Variants in TEF observed in about 807,000 individuals in gnomAD.
TEF encodes the protein TEF transcription factor, PAR bZIP family member, also known as thyrotroph embryonic factor.
Under a neutral mutation model 20.8 loss-of-function variants are expected in TEF, and 3 were observed. That is an observed-to-expected ratio of 0.14 (90% CI 0.07 to 0.37). The LOEUF is 0.37. Ranked by LOEUF, TEF falls within the 10% of genes least tolerant of loss-of-function variation. TEF has a pLI of 1.00. For missense variants in TEF, 296 were observed against 397.9 expected, an observed-to-expected ratio of 0.74 and a Z score of 2.18; for synonymous variants, 180 against 171.1, an observed-to-expected ratio of 1.05 and a Z score of -0.41.
intron 2 of TEF, among the ~76,000 whole-genome samples, chr22:41,391,526 G>T (rs551952597): frequency 3.3e-5 from 5 of 151,936 alleles, no homozygotes; most frequent in African/African-American, 1.2e-4. Context: ...GTATTGGTCA[G>T]GCTGGTCTCG....
intron 1 of TEF, among the ~76,000 whole-genome samples, chr22:41,368,881 C>G (rs919905413): frequency 2.0e-5 from 3 of 152,222 alleles, no homozygotes; most frequent in African/African-American, 4.8e-5. Context: ...CCCTCTGCAA[C>G]TCAGCCGGAG....
Position 41,387,267 on chromosome 22 carries a change from C to A in TEF, c.158-84C>A, listed in dbSNP as rs998486928. The A allele has an allele frequency of 1.2e-4, 181 of 1,456,968 alleles. No individual in the cohort carries two copies. In the South Asian group the frequency reaches 2.1e-3, roughly 17 times the overall value. 90.3% of individuals were successfully genotyped at this position (1,456,968 alleles called of 1,614,324 possible). ...GAATCGGGGCTCTGAGAAAGATGGGCCAGGCCTGTGAGGCTCACTGCCCAC... is the reference window on the plus strand; with the variant it reads ...GAATCGGGGCTCTGAGAAAGATGGGACAGGCCTGTGAGGCTCACTGCCCAC... On this transcript the variant is annotated intron_variant, in intron 1 of 3. Transcript: ENST00000266304.
chr22:41,378,245 T>C (rs1163825457), upstream of TEF, among the ~76,000 whole-genome samples: 1 of 147,236 alleles, frequency 6.8e-6, no homozygotes, highest in African/African-American at 2.5e-5. Context: ...CTCGGCTCAC[T>C]GCAACCTCCG....
chr22:41,371,738 C>T (rs1457808970), intron 1 of TEF, among the ~76,000 whole-genome samples: 4 of 152,188 alleles, frequency 2.6e-5, no homozygotes, highest in African/African-American at 7.2e-5. Context: ...CTGGATGGTA[C>T]AAGTTGGTGT....
At chr22:41,384,593 T>C (rs1175844788) in intron 1 of TEF, among the ~76,000 whole-genome samples, 1 of 152,178 alleles carries the variant, frequency 6.6e-6, no homozygotes, top group African/African-American at 2.4e-5. Context: ...TGAATCTGTT[T>C]GCAAATCCAA....
At chr22:41,380,905 G>T (rs928269112), upstream of TEF, among the ~76,000 whole-genome samples, 11 of 152,226 alleles carry the variant, frequency 7.2e-5, no homozygotes, top group African/African-American at 2.2e-4. Context: ...GAAAGGAAAA[G>T]AATTTCACAT....
At chr22:41,393,801 T>G (rs1224708484) in intron 2 of TEF, among the ~76,000 whole-genome samples, 1 of 151,532 alleles carries the variant, frequency 6.6e-6, no homozygotes, top group Non-Finnish European at 1.5e-5. Flanking sequence ...AAAATTAATG[T>G]TTTGCTTAAC....
chr22:41,382,068 G>A lies in TEF; in HGVS notation c.24G>A (p.Lys8=). MSDAGGG[K]KPPVDPQAGP... is the part of the protein sequence containing the mutation. ...CGATGTCCGACGCGGGCGGCGGAAA[G>A]AAGCCGCCTGTGGACCCGCAGGCAG... Residue 8 remains lysine, a synonymous_variant, in exon 1 of 4, where the codon AAG becomes AAA. Coordinates refer to ENST00000266304, the MANE Select transcript of TEF (RefSeq NM_003216.4). The A allele has an allele frequency of 8.1e-7, 1 of 1,231,564 alleles. No individual in the cohort carries two copies. The highest frequency in any genetic ancestry group is 4.1e-5 in the South Asian group (1 of 24,346). 76.3% of individuals were successfully genotyped at this position (1,231,564 alleles called of 1,614,324 possible). A position where few individuals can be genotyped will look rare whatever the true frequency, so the allele number is the denominator to read the frequency against.
intron 2 of TEF, 74 bp downstream of exon 2, chr22:41,387,742 G>A (rs2037115388): frequency 6.2e-6 from 9 of 1,452,296 alleles, no homozygotes; most frequent in Non-Finnish European, 8.4e-6. Context: ...GGCTGCTTGT[G>A]TCCATGTACC....
upstream of TEF, among the ~76,000 whole-genome samples, chr22:41,381,415 C>G (rs2037019731): frequency 6.6e-6 from 1 of 152,188 alleles, no homozygotes; most frequent in Non-Finnish European, 1.5e-5. Flanking sequence ...CCCCTCCCCC[C>G]GCGACCAGAC....
At chr22:41,371,112 T>G (rs1450533008) in intron 1 of TEF, among the ~76,000 whole-genome samples, 2 of 152,268 alleles carry the variant, frequency 1.3e-5, no homozygotes, top group Non-Finnish European at 2.9e-5. Flanking sequence ...TGTTCCAGAC[T>G]GCTCACTCCA....
At chr22:41,367,945 G>A (rs533892274) in intron 1 of TEF, among the ~76,000 whole-genome samples, 1 of 152,292 alleles carries the variant, frequency 6.6e-6, no homozygotes, top group African/African-American at 2.4e-5. Context: ...CCTGTACGCT[G>A]GGGGTGGCAG....
chr22:41,372,131 G>A (rs561453477), intron 1 of TEF, among the ~76,000 whole-genome samples: 198 of 152,278 alleles, frequency 1.3e-3, no homozygotes, highest in African/African-American at 4.6e-3. Context: ...AATCCTCACT[G>A]CCTCTTTCTA....
intron 2 of TEF, among the ~76,000 whole-genome samples, chr22:41,389,599 CAG>C (rs2037142113): frequency 6.6e-6 from 1 of 151,784 alleles, no homozygotes; most frequent in African/African-American, 2.4e-5. Context: ...AGCCTGGTGA[CAG>C]AGCAAGACTC....
intron 1 of TEF, among the ~76,000 whole-genome samples, chr22:41,385,730 C>T (rs2037090583): frequency 6.6e-6 from 1 of 152,014 alleles, no homozygotes; most frequent in South Asian, 2.1e-4. Context: ...GTGGCCCAGA[C>T]TTGGGGTACA....
At chr22:41,388,525 C>A (rs1319979571) in intron 2 of TEF, among the ~76,000 whole-genome samples, 2 of 150,428 alleles carry the variant, frequency 1.3e-5, no homozygotes, top group Non-Finnish European at 2.9e-5. Context: ...AAGCACTATT[C>A]AAGTGCTACC....
chr22:41,384,755 C>CT (rs907013385), intron 1 of TEF, among the ~76,000 whole-genome samples: 32 of 151,756 alleles, frequency 2.1e-4, no homozygotes, highest in African/African-American at 6.3e-4. Flanking sequence ...TGTAAAGACA[C>CT]TTTTTTTTTC....
Position 41,368,301 on chromosome 22 carries a change from C to T in TEF, c.67+702C>T, listed in dbSNP as rs1394970188. Among the ~76,000 whole-genome samples the T allele has an allele frequency of 2.0e-5, 3 of 152,276 alleles. No individual in the cohort carries two copies. In the East Asian group the frequency reaches 5.8e-4, roughly 29 times the overall value. On this transcript the variant is annotated intron_variant, in intron 1 of 3. Transcript: ENST00000406644. ...TCTTCTGTTCCCAGAAGTCAGAGGT[C>T]ACCCCCAGGTCCCCAGGGCTCCAAC...
intron 2 of TEF, among the ~76,000 whole-genome samples, chr22:41,388,840 CTCTATT>C (rs2037130813): frequency 6.6e-6 from 1 of 152,030 alleles, no homozygotes; most frequent in Non-Finnish European, 1.5e-5. Flanking sequence ...AGTTCTCATA[CTCTATT>C]TTTTTTTCTT....
Sources: allele counts gnomAD v4.1 joint callset (sites outside exome capture counted in the v4.1 genomes callset), GRCh38; gene constraint gnomAD v4.1.1; transcripts MANE v1.5; gene names NCBI Gene and HGNC (gene_info 2026-07-23, HGNC 2026-07-21).